The following CTBP2 variants were observed in gnomAD, a reference collection of about 807,000 sequenced individuals.
The protein encoded by CTBP2 is C-terminal binding protein 2.
A neutral mutation model predicts 80.3 loss-of-function variants in CTBP2; 30 were observed. The observed-to-expected ratio is 0.37, with a 90% CI of 0.28 to 0.51. CTBP2 has a LOEUF of 0.51. Ranked by LOEUF, CTBP2 falls within the 20% of genes least tolerant of loss-of-function variation. The probability of loss-of-function intolerance (pLI) is 0.93; values close to 1 mark genes in which losing one functional copy is unlikely to be tolerated. For synonymous variants in CTBP2, 594 were observed against 587.4 expected, an observed-to-expected ratio of 1.01 and a Z score of -0.16; for missense variants, 1,212 against 1,375.3, an observed-to-expected ratio of 0.88 and a Z score of 1.88.
rs1334383406 is a variant in CTBP2 at position 124,987,966 on chromosome 10, T to A, written c.*1552A>T. Reference sequence around the variant, plus strand: ...AATATCATTTTGTTTGTTAGGTTATTGGCAAAACAGTTTCAAGGTTCACTT... The same window carrying A: ...AATATCATTTTGTTTGTTAGGTTATAGGCAAAACAGTTTCAAGGTTCACTT... On this transcript the variant is annotated 3_prime_UTR_variant, in exon 9 of 9. Transcript: ENST00000309035. 1 of 152,558 alleles carries A rather than the reference T, an allele frequency of 6.6e-6. No homozygotes were observed. The highest frequency in any genetic ancestry group is 1.5e-5 in the Non-Finnish European group (1 of 67,938). The allele number at this position is 152,558 out of a possible 1,614,324, so 9.5% of individuals were successfully genotyped here. A position where few individuals can be genotyped will look rare whatever the true frequency, so the allele number is the denominator to read the frequency against.
intron 1 of CTBP2, among the ~76,000 whole-genome samples, chr10:125,138,863 G>A (rs1025122431): frequency 1.3e-5 from 2 of 152,116 alleles, no homozygotes; most frequent in African/African-American, 4.8e-5. Flanking sequence ...CTCTTCACTC[G>A]GCTAACTGTG....
chr10:125,109,921 A>G (rs1852030398), intron 2 of CTBP2, among the ~76,000 whole-genome samples: 1 of 152,220 alleles, frequency 6.6e-6, no homozygotes, highest in African/African-American at 2.4e-5. Flanking sequence ...TTCCCCAGCT[A>G]GATCTACTTT....
intron 2 of CTBP2, among the ~76,000 whole-genome samples, chr10:125,046,537 C>CAAAACAAAAA (rs1961296681): frequency 8.7e-6 from 1 of 114,774 alleles, no homozygotes; most frequent in Non-Finnish European, 1.8e-5. Flanking sequence ...GACTCTATCT[C>CAAAACAAAAA]AAAAAAAAAA....
intron 2 of CTBP2, among the ~76,000 whole-genome samples, chr10:125,047,653 T>A (rs1211705778): frequency 2.6e-5 from 4 of 152,272 alleles, no homozygotes; most frequent in Admixed American, 1.3e-4. Flanking sequence ...CAAAACTTAA[T>A]ACAATTTATT....
chr10:125,129,579 G>A (rs540933807), intron 1 of CTBP2, among the ~76,000 whole-genome samples: 2 of 152,194 alleles, frequency 1.3e-5, no homozygotes, highest in Admixed American at 1.3e-4. Flanking sequence ...TGCCGAACCC[G>A]GGGGTGGTGT....
Position 125,136,204 on chromosome 10 carries a change from G to A in CTBP2, c.-206+24115C>T, listed in dbSNP as rs183134026. 4.1e-3 allele frequency among the ~76,000 whole-genome samples: 626 copies of A among 152,238 alleles called. 9 individuals are homozygous for A. The highest frequency in any genetic ancestry group is 0.014 in the African/African-American group (592 of 41,536). On this transcript the variant is annotated intron_variant, in intron 1 of 10. Coordinates refer to the CTBP2 transcript ENST00000337195. ...GCTGGAGGGACCCAGGCAGGGGGCG[G>A]CCTCCTAGGGGAGGGTGAGCTGGGA...
chr10:125,083,588 CTGTT>C (rs1416693692), intron 2 of CTBP2, among the ~76,000 whole-genome samples: 1 of 152,204 alleles, frequency 6.6e-6, no homozygotes, highest in Admixed American at 6.5e-5. Context: ...GCAAAGCCCT[CTGTT>C]TGCACCTTAG....
chr10:125,081,419 A>G (rs183638459), intron 2 of CTBP2, among the ~76,000 whole-genome samples: 1 of 152,348 alleles, frequency 6.6e-6, no homozygotes, highest in East Asian at 1.9e-4. Flanking sequence ...CTTATGTGAA[A>G]GAATGGGCAC....
chr10:125,135,862 C>T (rs912058593), intron 1 of CTBP2, among the ~76,000 whole-genome samples: 7 of 152,154 alleles, frequency 4.6e-5, no homozygotes, highest in East Asian at 1.9e-4. Flanking sequence ...TTTAAGAAGT[C>T]GGCCTCCCAG....
intron 1 of CTBP2, among the ~76,000 whole-genome samples, chr10:125,135,658 C>A (rs1023088157): frequency 2.0e-5 from 3 of 152,220 alleles, no homozygotes; most frequent in Non-Finnish European, 4.4e-5. Context: ...GCACCTCACC[C>A]TATGGAGCTC....
At chr10:125,096,831 C>G (rs920042878) in intron 2 of CTBP2, among the ~76,000 whole-genome samples, 6 of 151,910 alleles carry the variant, frequency 3.9e-5, no homozygotes, top group Admixed American at 3.9e-4. Context: ...CAATTTCTTC[C>G]GAGAAATTAA....
chr10:125,039,775 G>C (rs1349163844), intron 2 of CTBP2, among the ~76,000 whole-genome samples: 8 of 152,228 alleles, frequency 5.3e-5, no homozygotes, highest in Non-Finnish European at 7.3e-5. Flanking sequence ...GCAGCTGGAG[G>C]GGACCGCAGT....
In CTBP2 at chr10:125,154,777, T is replaced by C. The variant is rs1007970174; in HGVS notation, c.-206+5542A>G. 3.3e-5 allele frequency among the ~76,000 whole-genome samples: 5 copies of C among 152,102 alleles called. 1 individual carries two copies. The highest frequency in any genetic ancestry group is 3.3e-4 in the Admixed American group (5 of 15,266). On this transcript the variant is annotated intron_variant, in intron 1 of 10. Coordinates refer to the CTBP2 transcript ENST00000337195. The stretch of plus-strand genomic sequence containing the variant: ...AATGCACCTCCCTTAAGCTACAGAG[T>C]TGGTTCCACTTTGGGACCTCGGCTC...
At chr10:125,148,332 G>A (rs955356808) in intron 1 of CTBP2, among the ~76,000 whole-genome samples, 2 of 152,118 alleles carry the variant, frequency 1.3e-5, no homozygotes, top group African/African-American at 4.8e-5. Context: ...GTAACCACCA[G>A]GTTGCAAAAC....
intron 4 of CTBP2, 44 bp downstream of exon 6, chr10:124,997,920 C>T: frequency 6.3e-7 from 1 of 1,576,036 alleles, no homozygotes; most frequent in Non-Finnish European, 8.6e-7. Flanking sequence ...ACACCAGCCC[C>T]AGTGTCGGAG....
rs377725462 is a variant in CTBP2, at chr10:125,026,241, C to T, written c.1519G>A (p.Gly507Ser). The change falls in exon 1 of 9, where the codon GGC becomes AGC. Residue 507 changes from glycine to serine, a missense_variant. Transcript: ENST00000309035. ...GGCTTCCGCAAGACCTGGGGGCTGCCGTGAGGGCTGGGCAGCGGAGAGGCG... is the reference window on the plus strand; with the variant it reads ...GGCTTCCGCAAGACCTGGGGGCTGCTGTGAGGGCTGGGCAGCGGAGAGGCG... 110 of 1,613,800 alleles carry T rather than the reference C, an allele frequency of 6.8e-5. No individual in the cohort carries two copies. Among genetic ancestry groups the T allele is most frequent in the Admixed American group, 1.0e-4 (6 of 60,012 alleles).
rs760949108 is a variant in CTBP2, at chr10:125,026,095, A to G, written c.1665T>C (p.Leu555=). 1 of 1,568,616 alleles carries G rather than the reference A, an allele frequency of 6.4e-7. No homozygotes were observed. The highest frequency in any genetic ancestry group is 2.3e-5 in the East Asian group (1 of 44,300). The change falls in exon 1 of 9, where the codon CTT becomes CTC. Residue 555 remains leucine, a synonymous_variant. Coordinates refer to ENST00000309035, the MANE Select transcript of CTBP2 (RefSeq NM_022802.3). ...AGGATGTATTACTTGGTTCTGGTGC[A>G]AGCATGGTGGACACGATGATGGGTG...
chr10:125,074,539 A>G lies in CTBP2; in HGVS notation c.-101-35384T>C, dbSNP rs557688023. Among the ~76,000 whole-genome samples the G allele has an allele frequency of 4.8e-4, 73 of 152,288 alleles. 1 individual carries two copies. In the Middle Eastern group the frequency reaches 0.017, roughly 35 times the overall value. On this transcript the variant is annotated intron_variant, in intron 2 of 10. Coordinates refer to the CTBP2 transcript ENST00000337195. ...CCAGCAATTTTTGTATTTTTGGTAG[A>G]GACGGGGTTTCACCGTGGCTGGTCT...
At chr10:124,994,822 T>G (rs1953241538) in intron 4 of CTBP2, 139 bp from the exon 7 acceptor site, 3 of 881,048 alleles carry the variant, frequency 3.4e-6, no homozygotes, top group Non-Finnish European at 5.4e-6. Flanking sequence ...GCCCAAAGCT[T>G]AGTGAGGCCT....
Sources: allele counts gnomAD v4.1 joint callset (sites outside exome capture counted in the v4.1 genomes callset), GRCh38; gene constraint gnomAD v4.1.1; transcripts MANE v1.5; gene names NCBI Gene and HGNC (gene_info 2026-07-23, HGNC 2026-07-21).